IPO5: variants seen among roughly 807,000 people sequenced by gnomAD.
The protein encoded by IPO5 is importin-5.
A neutral mutation model predicts 143.3 loss-of-function variants in IPO5; 18 were observed. The observed-to-expected ratio is 0.13, with a 90% CI of 0.09 to 0.19. The LOEUF is 0.19. IPO5 is among the 10% of genes least tolerant of loss of function. IPO5 has a pLI of 1.00. For missense variants in IPO5, 1,013 were observed against 1,336.9 expected (o/e 0.76, Z 3.78); for synonymous variants, 477 against 465.7 (o/e 1.02, Z -0.31).
chr13:97,957,900 G>A (rs970839269), intron 2 of IPO5, among the ~76,000 whole-genome samples: 2 of 151,876 alleles, frequency 1.3e-5, no homozygotes, highest in Non-Finnish European at 1.5e-5. Flanking sequence ...CAGCAGAATC[G>A]CTTGAACCCA....
At chr13:97,967,695 G>C (rs1385479095) in intron 2 of IPO5, among the ~76,000 whole-genome samples, 1 of 151,926 alleles carries the variant, frequency 6.6e-6, no homozygotes, top group Admixed American at 6.6e-5. Flanking sequence ...GCAGTGGCTC[G>C]ATCTCAGCTC....
intron 2 of IPO5, among the ~76,000 whole-genome samples, chr13:97,969,213 G>A (rs1196644633): frequency 2.0e-5 from 2 of 98,882 alleles, no homozygotes; most frequent in Non-Finnish European, 3.6e-5. Context: ...ACGTAGTCTC[G>A]CTCTGTCACC....
chr13:97,972,265 A>G (rs931480232), intron 3 of IPO5, among the ~76,000 whole-genome samples: 4 of 152,200 alleles, frequency 2.6e-5, no homozygotes, highest in African/African-American at 9.6e-5. Context: ...ACCAAATTCT[A>G]TCCCAGCTGA....
At chr13:97,979,861 G>T in intron 4 of IPO5, 1 of 456,496 alleles carries the variant, frequency 2.2e-6, no homozygotes, top group South Asian at 1.5e-5. Flanking sequence ...GGATAACATT[G>T]AAAAATATAC....
chr13:98,007,135 C>T (rs538708597), intron 17 of IPO5, among the ~76,000 whole-genome samples: 4 of 151,964 alleles, frequency 2.6e-5, no homozygotes, highest in African/African-American at 7.2e-5. Flanking sequence ...TGTGAGCCAC[C>T]GCGCCCAGCC....
At chr13:97,970,873 A>G (rs1009565451) in intron 3 of IPO5, among the ~76,000 whole-genome samples, 6 of 152,234 alleles carry the variant, frequency 3.9e-5, no homozygotes, top group African/African-American at 9.6e-5. Flanking sequence ...TAGATGTCCA[A>G]TCAAAATTAA....
chr13:97,973,035 CTTCTTTT>C (rs1885955171), intron 3 of IPO5, among the ~76,000 whole-genome samples: 1 of 118,820 alleles, frequency 8.4e-6, no homozygotes, highest in African/African-American at 3.2e-5. Flanking sequence ...TTTCTTTTAT[CTTCTTTT>C]TTTTTTTTTT....
chr13:98,002,936 C>A lies in IPO5; in HGVS notation c.1396C>A (p.Leu466Ile). ...TGTGCAGGCCCATGCAGCTGCTGCCCTCATTAACTTTACTGAAGACTGTCC... is the reference window on the plus strand; with the variant it reads ...TGTGCAGGCCCATGCAGCTGCTGCCATCATTAACTTTACTGAAGACTGTCC... ...QRVQAHAAAA[L>I]INFTEDCPKS... The change falls in exon 16 of 29, where the codon CTC (leucine) becomes ATC (isoleucine). Residue 466 changes from leucine (L) to isoleucine (I), a missense_variant. Leu to Ile is a conservative substitution (Grantham distance 5, BLOSUM62 2). Around this residue, in one of 2 missense-constraint regions of IPO5, gnomAD observed 685 missense variants for 994.9 expected, o/e 0.69. Transcript: ENST00000651721. The A allele has an allele frequency of 6.2e-7, 1 of 1,613,774 alleles. No homozygotes were observed. The highest frequency in any genetic ancestry group is 8.5e-7 in the Non-Finnish European group (1 of 1,179,624).
Position 97,997,602 on chromosome 13 carries a change from G to C in IPO5, c.985G>C (p.Asp329His). ...CTGGGCAAATGCAGATGAACTAGAA[G>C]ATGATGATTTTGACAGGTAATCAAA... The part of the protein sequence containing the change: ...EDWANADELE[D>H]DDFDSNAVAG... The change falls in exon 12 of 29, where the codon GAT becomes CAT. Residue 329 changes from aspartate (D) to histidine (H), a missense_variant. Physicochemically the swap from Asp to His is moderately conservative, Grantham distance 81. This residue lies in a region of IPO5 where 685 missense variants were observed against 994.9 expected (regional missense o/e 0.69). Transcript: ENST00000651721. The C allele has an allele frequency of 1.9e-6, 3 of 1,608,052 alleles. No homozygotes were observed. Among genetic ancestry groups the C allele is most frequent in the Non-Finnish European group, 2.6e-6 (3 of 1,175,024 alleles).
intron 4 of IPO5, chr13:97,977,128 C>G (rs1216443883): frequency 6.4e-6 from 1 of 156,904 alleles, no homozygotes; most frequent in African/African-American, 2.4e-5. Context: ...CCCGCTTGCC[C>G]CTTTCCCGCT....
intron 3 of IPO5, among the ~76,000 whole-genome samples, chr13:97,976,302 C>A (rs994162958): frequency 6.6e-6 from 1 of 151,724 alleles, no homozygotes; most frequent in Non-Finnish European, 1.5e-5. Flanking sequence ...CAACCCCGAC[C>A]CCGACCCCGA....
In IPO5 at chr13:97,993,116, C is replaced by T. The variant is rs764414069; in HGVS notation, c.804C>T (p.Asp268=). ...TGTCTTCTTTGTAGTTGTGTGGAGA[C>T]ACTAGCCTCAACAATATGCAACGCC... ...TLQLSLKLCG[D]TSLNNMQRQL... Residue 268 remains aspartate, a synonymous_variant, in exon 11 of 29, where the codon GAC becomes GAT. Coordinates refer to ENST00000651721, the MANE Select transcript of IPO5 (RefSeq NM_002271.6). The T allele has an allele frequency of 1.9e-6, 3 of 1,613,942 alleles. No individual in the cohort carries two copies. The South Asian group carries it at 3.3e-5, about 18-fold the overall frequency.
intron 4 of IPO5, chr13:97,982,171 G>A (rs761657983): frequency 1.8e-5 from 4 of 226,768 alleles, no homozygotes; most frequent in African/African-American, 2.3e-5. Context: ...GAGCCCTAAA[G>A]TTTGCAGCAC....
intron 20 of IPO5, 34 bp from the exon 21 acceptor site, chr13:98,012,212 G>C (rs745512668): frequency 1.6e-6 from 2 of 1,240,982 alleles, no homozygotes; most frequent in Admixed American, 3.4e-5. Context: ...AGACTAACAT[G>C]AATCTTTATT....
In IPO5 at chr13:98,010,094, C is replaced by T. The variant is rs1490015888; in HGVS notation, c.1934-9C>T. 5 of 1,613,476 alleles carry T rather than the reference C, an allele frequency of 3.1e-6. No individual in the cohort carries two copies. Among genetic ancestry groups the T allele is most frequent in the Admixed American group, 1.7e-5 (1 of 59,920 alleles). Reference sequence around the variant, plus strand: ...TTTCATATGCATTTGTTTTCTTCTCCGTTAATAGCCCAAGACATGGAGAAT... The same window carrying T: ...TTTCATATGCATTTGTTTTCTTCTCTGTTAATAGCCCAAGACATGGAGAAT... On this transcript the variant is annotated splice_polypyrimidine_tract_variant and intron_variant, in intron 19 of 28. Transcript: ENST00000651721.
intron 27 of IPO5, among the ~76,000 whole-genome samples, chr13:98,020,496 A>T (rs573547332): frequency 6.6e-6 from 1 of 152,322 alleles, no homozygotes; most frequent in Non-Finnish European, 1.5e-5. Flanking sequence ...TGAAATGACC[A>T]GGTCTTAATC....
chr13:98,008,671 C>A (rs1456073972), intron 18 of IPO5, among the ~76,000 whole-genome samples: 1 of 152,136 alleles, frequency 6.6e-6, no homozygotes, highest in Non-Finnish European at 1.5e-5. Context: ...CACGCACATA[C>A]ACACATAGGT....
chr13:97,990,005 A>T, intron 7 of IPO5, 121 bp from the exon 8 acceptor site: 1 of 639,168 alleles, frequency 1.6e-6, no homozygotes, highest in Non-Finnish European at 2.7e-6. Context: ...GATGATGTTC[A>T]ACCTATGGAT....
At chr13:97,983,965 CTTTTTTTTT>C (rs71117684) in intron 5 of IPO5, among the ~76,000 whole-genome samples, 4 of 45,824 alleles carry the variant, frequency 8.7e-5, no homozygotes, top group South Asian at 8.9e-4. Flanking sequence ...AGGGTAACTT[CTTTTTTTTT>C]TTTTTTTTTT....
Sources: allele counts gnomAD v4.1 joint callset (sites outside exome capture counted in the v4.1 genomes callset), GRCh38; gene constraint gnomAD v4.1.1; regional missense constraint gnomAD v4.1.1; transcripts MANE v1.5; gene names NCBI Gene and HGNC (gene_info 2026-07-23, HGNC 2026-07-21).